Variants in EGFR observed in about 807,000 individuals in gnomAD.
EGFR encodes avian erythroblastic leukemia viral (v-erb-b) oncogene homolog.
In EGFR, 58 loss-of-function variants were observed where a neutral mutation model predicts 143.0. That is an observed-to-expected ratio of 0.41 (90% CI 0.33 to 0.50). The LOEUF is 0.50. Among genes scored for constraint, EGFR ranks in the 20% least tolerant of loss-of-function variants. The probability of loss-of-function intolerance (pLI) is 0.39; values close to 1 mark genes in which losing one functional copy is unlikely to be tolerated. For synonymous variants in EGFR, 613 were observed against 594.4 expected, an observed-to-expected ratio of 1.03 and a Z score of -0.45; for missense variants, 1,307 against 1,579.0, an observed-to-expected ratio of 0.83 and a Z score of 2.92.
chr7:55,097,952 C>T lies in EGFR; in HGVS notation c.89-44334C>T, dbSNP rs1304341147. Among the ~76,000 whole-genome samples, 3 of 152,062 alleles carry T rather than the reference C, an allele frequency of 2.0e-5. No individual in the cohort carries two copies. The South Asian group carries it at 6.2e-4, about 31-fold the overall frequency. ...ACATGACACTCATTCCCTTATTTTT[C>T]CTACTTAGAAAAGTGTAGATGGTTT... On this transcript the variant is annotated intron_variant, in intron 1 of 27. Coordinates refer to ENST00000275493, the MANE Select transcript of EGFR (RefSeq NM_005228.5).
intron 1 of EGFR, among the ~76,000 whole-genome samples, chr7:55,058,651 AT>A (rs1156582421): frequency 6.6e-6 from 1 of 152,220 alleles, no homozygotes; most frequent in Non-Finnish European, 1.5e-5. Flanking sequence ...TGGGAGGTAA[AT>A]GATGAGAACA....
At chr7:55,061,612 ATGTGTGTG>A (rs1205967063) in intron 1 of EGFR, among the ~76,000 whole-genome samples, 12 of 126,332 alleles carry the variant, frequency 9.5e-5, no homozygotes, top group East Asian at 4.5e-4. Context: ...GTCTCCAGGG[ATGTGTGTG>A]TGTGTGTGTG....
At chr7:55,202,445 C>T (rs1303845888) in intron 26 of EGFR, 72 bp from the exon 27 acceptor site, 17 of 1,278,170 alleles carry the variant, frequency 1.3e-5, no homozygotes, top group East Asian at 2.5e-5. Flanking sequence ...AAGGAGATCT[C>T]GGGTGATTTT....
At chr7:55,110,003 T>G in intron 1 of EGFR, 5 of 933,674 alleles carry the variant, frequency 5.4e-6, no homozygotes, top group Non-Finnish European at 5.1e-6. Flanking sequence ...ATGTGAGAGA[T>G]AACAGCATAA....
chr7:55,171,021 A>G (rs530069761), intron 15 of EGFR, 154 bp from the exon 16 acceptor site: 2 of 1,489,782 alleles, frequency 1.3e-6, no homozygotes, highest in East Asian at 4.9e-5. Flanking sequence ...ATAATAAATA[A>G]TTAACCACCA....
rs545527430 is a variant in EGFR, at chr7:55,207,726, C to T, written c.*2109C>T. The T allele has an allele frequency of 2.0e-5, 3 of 152,630 alleles. 1 individual carries two copies. Among genetic ancestry groups the T allele is most frequent in the African/African-American group, 7.2e-5 (3 of 41,596 alleles). The allele number at this position is 152,630 out of a possible 1,614,324, so 9.5% of individuals were successfully genotyped here. ...TCAGTCACCCTAAACAACCTGCTCC[C>T]TCTAAGCCAGGGGATGAGCTTGGAG... On this transcript the variant is annotated 3_prime_UTR_variant, in exon 28 of 28. Transcript: ENST00000275493.
chr7:55,054,249 C>G (rs189163837), intron 1 of EGFR, among the ~76,000 whole-genome samples: 1 of 152,212 alleles, frequency 6.6e-6, no homozygotes, highest in African/African-American at 2.4e-5. Flanking sequence ...AGTGTCTCAG[C>G]CTATCATTCT....
chr7:55,103,905 T>C (rs1419831271), intron 1 of EGFR, among the ~76,000 whole-genome samples: 1 of 152,248 alleles, frequency 6.6e-6, no homozygotes, highest in Non-Finnish European at 1.5e-5. Context: ...TTCACAAGAC[T>C]GAAACTGTTC....
chr7:55,181,141 G>T, intron 19 of EGFR, 152 bp from the exon 20 acceptor site: 1 of 969,478 alleles, frequency 1.0e-6, no homozygotes. Context: ...ACGTCCCTGT[G>T]CTAGGTCTTT....
chr7:55,171,347 T>A lies in EGFR; in HGVS notation c.1919+134T>A, dbSNP rs17290253. ...TCTATGGCTCTGGGCCAGCCTACCC[T>A]CAGCCAGGGTTTCTGCAGAGACTGC... On this transcript the variant is annotated intron_variant, in intron 16 of 27. Coordinates refer to ENST00000275493, the MANE Select transcript of EGFR (RefSeq NM_005228.5). 11 of 1,285,350 alleles carry A rather than the reference T, an allele frequency of 8.6e-6. No individual in the cohort carries two copies. In the Admixed American group the frequency reaches 1.9e-4, roughly 22 times the overall value. The allele number at this position is 1,285,350 out of a possible 1,614,324, so 79.6% of individuals were successfully genotyped here.
chr7:55,198,057 A>G (rs1382536820), intron 22 of EGFR, among the ~76,000 whole-genome samples: 1 of 152,128 alleles, frequency 6.6e-6, no homozygotes, highest in Non-Finnish European at 1.5e-5. Flanking sequence ...TTTTTTTGGA[A>G]TAGTTTCAGT....
intron 1 of EGFR, among the ~76,000 whole-genome samples, chr7:55,067,406 A>C (rs1391442003): frequency 6.6e-6 from 1 of 151,546 alleles, no homozygotes; most frequent in Non-Finnish European, 1.5e-5. Context: ...GCCTGCATAG[A>C]CAACGCAGAA....
intron 1 of EGFR, among the ~76,000 whole-genome samples, chr7:55,036,285 TGG>T (rs1787578808): frequency 2.9e-4 from 5 of 17,086 alleles, no homozygotes; most frequent in African/African-American, 6.7e-4. Context: ...GGGGGGGGGG[TGG>T]GTGTGTGTGT....
intron 1 of EGFR, among the ~76,000 whole-genome samples, chr7:55,034,506 A>C (rs922464762): frequency 1.4e-4 from 21 of 152,134 alleles, no homozygotes; most frequent in African/African-American, 4.3e-4. Context: ...TGATTCACTG[A>C]TGACTGGTGT....
chr7:55,162,224 C>A (rs867140169), intron 13 of EGFR, among the ~76,000 whole-genome samples: 3 of 152,082 alleles, frequency 2.0e-5, no homozygotes, highest in Admixed American at 6.5e-5. Context: ...AGGCTTTGAA[C>A]GACAAATGAG....
At chr7:55,052,601 C>T (rs943068320) in intron 1 of EGFR, among the ~76,000 whole-genome samples, 2 of 152,350 alleles carry the variant, frequency 1.3e-5, no homozygotes, top group African/African-American at 4.8e-5. Flanking sequence ...GCTTGCGAAG[C>T]TCAGGTGCAT....
chr7:55,116,699 C>A (rs1405682476), intron 1 of EGFR, among the ~76,000 whole-genome samples: 1 of 152,228 alleles, frequency 6.6e-6, no homozygotes, highest in African/African-American at 2.4e-5. Context: ...CATCCTAAGG[C>A]CAGCACGATG....
chr7:55,183,141 G>A lies in EGFR; in HGVS notation c.2469+1663G>A, dbSNP rs535871545. Among the ~76,000 whole-genome samples, 13 of 152,088 alleles carry A rather than the reference G, an allele frequency of 8.5e-5. No individual in the cohort carries two copies. In the South Asian group the frequency reaches 1.5e-3, roughly 17 times the overall value. On this transcript the variant is annotated intron_variant, in intron 20 of 27. Coordinates refer to ENST00000275493, the MANE Select transcript of EGFR (RefSeq NM_005228.5). ...GCTGCACCTCCCCATGTCAACCTCC[G>A]TCTTCACAAGGCCTTTTCCTGTGTC...
At chr7:55,197,467 G>A (rs1244065556) in intron 22 of EGFR, among the ~76,000 whole-genome samples, 1 of 152,102 alleles carries the variant, frequency 6.6e-6, no homozygotes, top group Non-Finnish European at 1.5e-5. Context: ...AGAGATAGCT[G>A]TTTTCCTCTC....
Sources: allele counts gnomAD v4.1 joint callset (sites outside exome capture counted in the v4.1 genomes callset), GRCh38; gene constraint gnomAD v4.1.1; transcripts MANE v1.5; gene names NCBI Gene and HGNC (gene_info 2026-07-23, HGNC 2026-07-21).